ABHD18: variants seen among roughly 807,000 people sequenced by gnomAD.
ABHD18 encodes abhydrolase domain containing 18.
Under a neutral mutation model 65.9 loss-of-function variants are expected in ABHD18, and 55 were observed. The ratio of observed to expected loss-of-function variants is 0.84; its 90% confidence interval spans 0.67 to 1.05. ABHD18 has a LOEUF of 1.05. ABHD18 is among the 50% of genes least tolerant of loss of function. The pLI is 0.00. For missense variants in ABHD18, 533 were observed against 558.5 expected (o/e 0.95, Z 0.46); for synonymous variants, 181 against 180.2 (o/e 1.00, Z -0.04).
At chr4:127,991,586 GT>G (rs1368291679) in intron 4 of ABHD18, among the ~76,000 whole-genome samples, 10 of 152,204 alleles carry the variant, frequency 6.6e-5, no homozygotes, top group African/African-American at 2.4e-4. Context: ...TCTTTACACA[GT>G]TTTCTATTTT....
chr4:127,993,097 G>A (rs935292575), intron 4 of ABHD18, among the ~76,000 whole-genome samples: 3 of 151,914 alleles, frequency 2.0e-5, no homozygotes, highest in African/African-American at 7.3e-5. Context: ...TTTTTTTAAA[G>A]CATAAGTGAA....
intron 4 of ABHD18, among the ~76,000 whole-genome samples, chr4:128,000,842 C>G (rs1752527770): frequency 6.6e-6 from 1 of 152,052 alleles, no homozygotes; most frequent in South Asian, 2.1e-4. Context: ...TTGTAGAAAT[C>G]TTTTACCTCC....
At chr4:128,014,047 G>T (rs1425711061) in intron 7 of ABHD18, among the ~76,000 whole-genome samples, 1 of 142,592 alleles carries the variant, frequency 7.0e-6, no homozygotes, top group Admixed American at 7.5e-5. Flanking sequence ...GCAATGGCGT[G>T]ATCTCTGCTC....
At chr4:128,011,546 T>C in intron 6 of ABHD18, 127 bp from the exon 7 acceptor site, 3 of 513,986 alleles carry the variant, frequency 5.8e-6, no homozygotes, top group Non-Finnish European at 9.7e-6. Context: ...CTAAACAGCC[T>C]ACTTAAGATA....
At chr4:127,993,286 C>G (rs1229141548) in intron 4 of ABHD18, among the ~76,000 whole-genome samples, 1 of 152,144 alleles carries the variant, frequency 6.6e-6, no homozygotes, top group Non-Finnish European at 1.5e-5. Context: ...TGTGCTTTTA[C>G]TCAGACTCAG....
chr4:127,982,939 A>G lies in ABHD18; in HGVS notation c.-17A>G. On this transcript the variant is annotated splice_region_variant and 5_prime_UTR_variant, in exon 2 of 13. The change abolishes an upstream ATG in the 5' untranslated region. Transcript: ENST00000645843. ...AGCCATTTTAAATTTTGTTTTATAG[A>G]TGCTTGTTTGCTACTGATGGGTGTG... 1 of 1,491,198 alleles carries G rather than the reference A, an allele frequency of 6.7e-7. No individual in the cohort carries two copies. Among genetic ancestry groups the G allele is most frequent in the Non-Finnish European group, 9.0e-7 (1 of 1,113,676 alleles). 92.4% of individuals were successfully genotyped at this position (1,491,198 alleles called of 1,614,324 possible).
At chr4:127,989,283 G>A (rs1183393578) in intron 3 of ABHD18, among the ~76,000 whole-genome samples, 1 of 152,028 alleles carries the variant, frequency 6.6e-6, no homozygotes, top group African/African-American at 2.4e-5. Context: ...AAAGTAGCAG[G>A]GAGGGGAAGA....
chr4:128,023,545 T>G (rs1320949104), intron 10 of ABHD18, among the ~76,000 whole-genome samples: 4 of 149,588 alleles, frequency 2.7e-5, no homozygotes, highest in Admixed American at 2.0e-4. Flanking sequence ...GATTGTGTCA[T>G]TGCACTCCAG....
intron 3 of ABHD18, among the ~76,000 whole-genome samples, chr4:127,987,732 A>ATAAATACAT (rs1383545100): frequency 6.6e-6 from 1 of 151,946 alleles, no homozygotes; most frequent in Non-Finnish European, 1.5e-5. Context: ...ATAAATAAAA[A>ATAAATACAT]TAAATACATA....
At position 127,988,763 on chromosome 4, in the gene ABHD18, A is replaced by G. The variant is rs142709466; in HGVS notation, c.178-958A>G. On this transcript the variant is annotated intron_variant, in intron 3 of 12. Transcript: ENST00000645843. ...AGTTAAAATGGCTTTTATCCAAAAG[A>G]CAGGCAGTATTGAAAGCTGGTGAGG... Among the ~76,000 whole-genome samples the G allele has an allele frequency of 6.6e-4, 100 of 152,336 alleles. 1 individual carries two copies. The highest frequency in any genetic ancestry group is 2.2e-3 in the African/African-American group (90 of 41,578).
intron 1 of ABHD18, among the ~76,000 whole-genome samples, chr4:127,980,826 A>C (rs1443514781): frequency 3.4e-5 from 4 of 117,500 alleles, no homozygotes; most frequent in African/African-American, 1.9e-4. Context: ...ACTGCATCTC[A>C]AAAAAAAAAA....
intron 10 of ABHD18, among the ~76,000 whole-genome samples, chr4:128,023,527 T>C (rs1756872825): frequency 6.9e-6 from 1 of 144,932 alleles, no homozygotes; most frequent in South Asian, 2.2e-4. Context: ...GCTGTAGCAG[T>C]GAGCTATGAT....
chr4:127,989,619 A>C, intron 3 of ABHD18, 102 bp from the exon 4 acceptor site: 1 of 692,794 alleles, frequency 1.4e-6, no homozygotes, highest in East Asian at 2.9e-5. Context: ...GGTGCTGAAA[A>C]CATGATTTTA....
intron 12 of ABHD18, among the ~76,000 whole-genome samples, chr4:128,033,251 C>G (rs145824956): frequency 4.7e-4 from 72 of 151,876 alleles, no homozygotes; most frequent in African/African-American, 1.7e-3. Flanking sequence ...GAGACTCTGT[C>G]TCAAAAAAAA....
At chr4:127,973,628 G>C (rs999857030) in intron 1 of ABHD18, among the ~76,000 whole-genome samples, 2 of 151,972 alleles carry the variant, frequency 1.3e-5, no homozygotes, top group Non-Finnish European at 2.9e-5. Flanking sequence ...TGGCAAAGGT[G>C]ATTGGCTGTT....
At chr4:127,973,381 G>GT (rs985969578) in intron 1 of ABHD18, among the ~76,000 whole-genome samples, 26 of 151,496 alleles carry the variant, frequency 1.7e-4, no homozygotes, top group African/African-American at 5.1e-4. Context: ...GAGTTTGGGG[G>GT]TTTTTTTTTC....
chr4:128,028,827 A>G lies in ABHD18; in HGVS notation c.1154A>G (p.Glu385Gly). 1 of 1,575,128 alleles carries G rather than the reference A, an allele frequency of 6.3e-7. No individual in the cohort carries two copies. Among genetic ancestry groups the G allele is most frequent in the Non-Finnish European group, 8.6e-7 (1 of 1,163,456 alleles). Residue 385 changes from glutamate to glycine, a missense_variant, in exon 11 of 13, where the codon GAA becomes GGA. Physicochemically the swap from Glu to Gly is moderately conservative, Grantham distance 98. Transcript: ENST00000645843. ...SLIFMKGVMD[E>G]CTHVANFSVP... ...ATATTTATGAAAGGAGTCATGGATGAATGTACTCATGTAGCAAATTTCTCA... is the reference window on the plus strand; with the variant it reads ...ATATTTATGAAAGGAGTCATGGATGGATGTACTCATGTAGCAAATTTCTCA...
At chr4:128,007,393 A>G (rs1324248736) in intron 4 of ABHD18, among the ~76,000 whole-genome samples, 1 of 151,806 alleles carries the variant, frequency 6.6e-6, no homozygotes, top group African/African-American at 2.4e-5. Flanking sequence ...GAGAAGTCAT[A>G]TAGGTTAAAA....
intron 4 of ABHD18, among the ~76,000 whole-genome samples, chr4:128,002,410 G>A (rs1340903254): frequency 6.6e-6 from 1 of 151,794 alleles, no homozygotes; most frequent in Non-Finnish European, 1.5e-5. Flanking sequence ...CTCCCAAGTA[G>A]CTGGGATTAC....
Sources: gnomAD v4.1 joint callset for allele counts (sites outside exome capture counted in the v4.1 genomes callset) on GRCh38, gnomAD v4.1.1 for gene constraint, MANE v1.5 for transcripts, NCBI Gene and HGNC (gene_info 2026-07-23, HGNC 2026-07-21) for gene names.